Variants in ARPP21 observed in about 807,000 individuals in gnomAD.
ARPP21 encodes cAMP-regulated phosphoprotein 21.
A neutral mutation model predicts 113.2 loss-of-function variants in ARPP21; 69 were observed. The observed-to-expected ratio is 0.61, with a 90% CI of 0.50 to 0.74. ARPP21 has a LOEUF of 0.74. Ranked by LOEUF, ARPP21 falls within the 30% of genes least tolerant of loss-of-function variation. The pLI, the probability that ARPP21 is intolerant of heterozygous loss-of-function variation, is 0.00. For missense variants in ARPP21, 1,070 were observed against 1,037.4 expected, an observed-to-expected ratio of 1.03 and a Z score of -0.43; for synonymous variants, 368 against 375.5, an observed-to-expected ratio of 0.98 and a Z score of 0.23.
intron 19 of ARPP21, among the ~76,000 whole-genome samples, chr3:35,745,949 C>G (rs1047220758): frequency 6.6e-6 from 1 of 152,124 alleles, no homozygotes; most frequent in Non-Finnish European, 1.5e-5. Flanking sequence ...GAAGAGTGCA[C>G]TCTAGAGCAG....
Position 35,692,387 on chromosome 3 carries a change from T to G in ARPP21, c.686+1382T>G, listed in dbSNP as rs1315990229. Reference sequence around the variant, plus strand: ...AATACTCTTTGTTGTTGTTGTGTTGTTGTTTCTTATTCTTCATTTTTTAAT... The same window carrying G: ...AATACTCTTTGTTGTTGTTGTGTTGGTGTTTCTTATTCTTCATTTTTTAAT... On this transcript the variant is annotated intron_variant, in intron 9 of 20. Coordinates refer to ENST00000684406, the MANE Select transcript of ARPP21 (RefSeq NM_001385562.1). 2.6e-5 allele frequency among the ~76,000 whole-genome samples: 4 copies of G among 151,676 alleles called. No homozygotes were observed. In the East Asian group the frequency reaches 7.8e-4, roughly 29 times the overall value.
At chr3:35,735,734 A>G (rs2094310238) in intron 15 of ARPP21, among the ~76,000 whole-genome samples, 1 of 152,202 alleles carries the variant, frequency 6.6e-6, no homozygotes, top group African/African-American at 2.4e-5. Context: ...CCTAGAGAAT[A>G]TTTCTGTGAC....
At chr3:35,729,066 G>T (rs1481393195) in intron 14 of ARPP21, among the ~76,000 whole-genome samples, 2 of 152,154 alleles carry the variant, frequency 1.3e-5, no homozygotes, top group African/African-American at 4.8e-5. Context: ...CTGAGAGAAA[G>T]TTCTCATTCT....
At chr3:35,729,945 G>C (rs879716579) in intron 15 of ARPP21, among the ~76,000 whole-genome samples, 1 of 152,142 alleles carries the variant, frequency 6.6e-6, no homozygotes, top group Non-Finnish European at 1.5e-5. Context: ...TTGCATCCAA[G>C]GATCTTTCTG....
At chr3:35,751,022 G>C (rs189964125) in intron 19 of ARPP21, among the ~76,000 whole-genome samples, 5 of 152,114 alleles carry the variant, frequency 3.3e-5, no homozygotes, top group African/African-American at 1.2e-4. Flanking sequence ...GTTTACAAAG[G>C]ACAGTTCAAC....
intron 19 of ARPP21, among the ~76,000 whole-genome samples, chr3:35,746,062 A>T (rs1486796170): frequency 6.6e-6 from 1 of 152,202 alleles, no homozygotes; most frequent in Non-Finnish European, 1.5e-5. Flanking sequence ...AAGTGAAATG[A>T]TCATAAACAG....
At chr3:35,750,636 A>G (rs994517642) in intron 19 of ARPP21, among the ~76,000 whole-genome samples, 2 of 152,090 alleles carry the variant, frequency 1.3e-5, no homozygotes, top group Non-Finnish European at 2.9e-5. Context: ...TTATGTTTAC[A>G]GTTCCATCAG....
At position 35,794,170 on chromosome 3, in the gene ARPP21, C is replaced by T. The variant is rs2151944532; in HGVS notation, c.*212C>T. The T allele has an allele frequency of 3.4e-6, 2 of 586,292 alleles. No homozygotes were observed. Among genetic ancestry groups the T allele is most frequent in the East Asian group, 2.8e-5 (1 of 35,404 alleles). The allele number at this position is 586,292 out of a possible 1,614,324, so 36.3% of individuals were successfully genotyped here. Reference sequence around the variant, plus strand: ...ATGTCTGCTAGGTATGCCTTTATAGCTTAGCTAGTGACATGAATTCATCAA... The same window carrying T: ...ATGTCTGCTAGGTATGCCTTTATAGTTTAGCTAGTGACATGAATTCATCAA... On this transcript the variant is annotated 3_prime_UTR_variant, in exon 21 of 21. Transcript: ENST00000684406.
intron 19 of ARPP21, among the ~76,000 whole-genome samples, chr3:35,770,156 C>T (rs2096145615): frequency 1.3e-5 from 2 of 152,184 alleles, no homozygotes; most frequent in African/African-American, 4.8e-5. Flanking sequence ...AAATCCAAAT[C>T]TATTTTATAT....
At chr3:35,699,444 A>G (rs999642325) in intron 9 of ARPP21, among the ~76,000 whole-genome samples, 2 of 151,710 alleles carry the variant, frequency 1.3e-5, no homozygotes, top group African/African-American at 4.8e-5. Flanking sequence ...TGAATATGAT[A>G]ATAATAATAA....
rs1384898239 is a variant in ARPP21 at position 35,670,281 on chromosome 3, C to CCAT, written c.-212-9502_-212-9500dup. On this transcript the variant is annotated intron_variant, in intron 1 of 20. Coordinates refer to ENST00000684406, the MANE Select transcript of ARPP21 (RefSeq NM_001385562.1). ...GCAGGGAACACCCAATTAGGAGAGT[C>CCAT]CATCATGCAGATGTTCACCTGAAAA... is the stretch of plus-strand genomic sequence containing the variant. Among the ~76,000 whole-genome samples the CCAT allele has an allele frequency of 2.0e-5, 3 of 152,136 alleles. No individual in the cohort carries two copies. The East Asian group carries it at 5.8e-4, about 30-fold the overall frequency.
intron 19 of ARPP21, among the ~76,000 whole-genome samples, chr3:35,749,001 T>C (rs1364886488): frequency 6.6e-6 from 1 of 152,170 alleles, no homozygotes; most frequent in Non-Finnish European, 1.5e-5. Flanking sequence ...TAAGCCCATG[T>C]GTTAAGCATT....
chr3:35,696,141 G>A (rs2083925321), intron 9 of ARPP21, among the ~76,000 whole-genome samples: 1 of 151,574 alleles, frequency 6.6e-6, no homozygotes, highest in Non-Finnish European at 1.5e-5. Context: ...TGATACTTTA[G>A]AAAGGTTAGT....
chr3:35,777,719 C>G (rs1056798348), intron 19 of ARPP21, among the ~76,000 whole-genome samples: 1 of 152,064 alleles, frequency 6.6e-6, no homozygotes, highest in South Asian at 2.1e-4. Flanking sequence ...TAGTCTTCAC[C>G]CATTGTTATC....
intron 9 of ARPP21, among the ~76,000 whole-genome samples, chr3:35,694,622 T>C (rs1168125683): frequency 1.3e-5 from 2 of 151,136 alleles, no homozygotes; most frequent in Non-Finnish European, 3.0e-5. Flanking sequence ...ATCAAAAAGA[T>C]TTTTTTTAAT....
At chr3:35,756,167 C>T (rs910335242) in intron 19 of ARPP21, among the ~76,000 whole-genome samples, 2 of 152,052 alleles carry the variant, frequency 1.3e-5, no homozygotes, top group African/African-American at 4.8e-5. Context: ...ACCAAGAGCG[C>T]TTCTGTCCAA....
intron 19 of ARPP21, among the ~76,000 whole-genome samples, chr3:35,762,207 G>T (rs2095809561): frequency 6.6e-6 from 1 of 150,796 alleles, no homozygotes; most frequent in African/African-American, 2.4e-5. Context: ...ATTTTGTCAA[G>T]AGTCAATTGT....
chr3:35,737,255 A>G lies in ARPP21; in HGVS notation c.1537A>G (p.Met513Val), dbSNP rs548129951. Residue 513 changes from methionine to valine, a missense_variant, in exon 16 of 21, where the codon ATG (methionine) becomes GTG (valine). Transcript: ENST00000684406. Reference sequence around the variant, plus strand: ...CAGTCAGCAGCCCCTGCGAAGCGCCATGGTGGGGCAGTCCCAACAGCAGCC... The same window carrying G: ...CAGTCAGCAGCCCCTGCGAAGCGCCGTGGTGGGGCAGTCCCAACAGCAGCC... ...PTSQQPLRSA[M>V]VGQSQQQPPQ... 3.1e-5 allele frequency: 50 copies of G among 1,612,774 alleles called. No individual in the cohort carries two copies. The South Asian group carries it at 4.8e-4, about 16-fold the overall frequency.
chr3:35,780,630 A>AAAGC (rs1226290469), intron 19 of ARPP21, among the ~76,000 whole-genome samples: 1 of 152,144 alleles, frequency 6.6e-6, no homozygotes, highest in East Asian at 1.9e-4. Context: ...AATGTGTTTG[A>AAAGC]AAGCCAAGGC....
Sources: gnomAD v4.1 joint callset for allele counts (sites outside exome capture counted in the v4.1 genomes callset) on GRCh38, gnomAD v4.1.1 for gene constraint, MANE v1.5 for transcripts, NCBI Gene and HGNC (gene_info 2026-07-23, HGNC 2026-07-21) for gene names.